TEX26: variants seen among roughly 807,000 people sequenced by gnomAD.
The protein encoded by TEX26 is testis expressed 26, also known as testis-expressed protein 26.
In TEX26, 34 loss-of-function variants were observed where a neutral mutation model predicts 35.3. The observed-to-expected ratio is 0.96, with a 90% CI of 0.73 to 1.28. The LOEUF (loss-of-function observed/expected upper bound fraction) is 1.28, where lower values mean the gene tolerates loss of function less well. Ranked by LOEUF, TEX26 falls within the 50% of genes most tolerant of loss-of-function variation. TEX26 has a pLI of 0.00. For synonymous variants in TEX26, 136 were observed against 111.8 expected (o/e 1.22, Z -1.36); for missense variants, 371 against 330.1 (o/e 1.12, Z -0.96).
Position 30,968,362 on chromosome 13 carries a change from A to T in TEX26, c.647-523A>T, listed in dbSNP as rs75246319. Among the ~76,000 whole-genome samples the T allele has an allele frequency of 1.2e-4, 18 of 152,280 alleles. No individual in the cohort carries two copies. In the East Asian group the frequency reaches 3.3e-3, roughly 28 times the overall value. On this transcript the variant is annotated intron_variant, in intron 5 of 6. Coordinates refer to ENST00000380473, the MANE Select transcript of TEX26 (RefSeq NM_152325.3). ...TTTTAGACCTATGAAGTCCGATCGT[A>T]GTTAATCTTTCTTAGATCCAGACAA...
intron 4 of TEX26, among the ~76,000 whole-genome samples, chr13:30,961,621 A>C (rs1259651952): frequency 1.3e-5 from 2 of 152,174 alleles, no homozygotes; most frequent in Non-Finnish European, 2.9e-5. Flanking sequence ...GCAGGGATAC[A>C]ATCCATTGAG....
intron 4 of TEX26, among the ~76,000 whole-genome samples, chr13:30,957,512 G>T (rs1879202863): frequency 6.6e-6 from 1 of 152,186 alleles, no homozygotes; most frequent in Non-Finnish European, 1.5e-5. Flanking sequence ...CAATTAAGAG[G>T]TTTTTATTAA....
chr13:30,965,255 A>G (rs994316387), intron 4 of TEX26, among the ~76,000 whole-genome samples: 1 of 152,188 alleles, frequency 6.6e-6, no homozygotes, highest in African/African-American at 2.4e-5. Flanking sequence ...CAATATAAAA[A>G]TGCTCTCAGG....
At chr13:30,941,883 A>C (rs1241607921) in intron 2 of TEX26, among the ~76,000 whole-genome samples, 1 of 152,166 alleles carries the variant, frequency 6.6e-6, no homozygotes, top group East Asian at 1.9e-4. Flanking sequence ...ATATATATAC[A>C]CACCACTTTT....
intron 2 of TEX26, among the ~76,000 whole-genome samples, chr13:30,944,232 A>G (rs539317468): frequency 6.6e-6 from 1 of 151,980 alleles, no homozygotes; most frequent in South Asian, 2.1e-4. Flanking sequence ...TAGATTTTCT[A>G]GTTTGAGTGC....
chr13:30,936,933 C>T, intron 1 of TEX26: 1 of 985,268 alleles, frequency 1.0e-6, no homozygotes, highest in Non-Finnish European at 1.2e-6. Context: ...AAAATTAATT[C>T]CAATGGCATA....
chr13:30,962,849 G>A (rs553457368), intron 4 of TEX26, among the ~76,000 whole-genome samples: 3 of 151,408 alleles, frequency 2.0e-5, no homozygotes, highest in Admixed American at 1.3e-4. Flanking sequence ...TTGAGACGGA[G>A]TCTCACTCTG....
chr13:30,963,120 G>A (rs1451106861), intron 4 of TEX26, among the ~76,000 whole-genome samples: 1 of 152,118 alleles, frequency 6.6e-6, no homozygotes, highest in Non-Finnish European at 1.5e-5. Flanking sequence ...GAGCCACCGT[G>A]CTCAGCTGGT....
At chr13:30,945,324 G>T (rs1953666035) in intron 2 of TEX26, among the ~76,000 whole-genome samples, 1 of 151,006 alleles carries the variant, frequency 6.6e-6, no homozygotes, top group African/African-American at 2.4e-5. Context: ...TTTTTCCTTG[G>T]GTTTATATGA....
At chr13:30,953,124 C>G (rs1036617451) in intron 3 of TEX26, among the ~76,000 whole-genome samples, 1 of 152,122 alleles carries the variant, frequency 6.6e-6, no homozygotes, top group African/African-American at 2.4e-5. Flanking sequence ...TGCTGTTGGA[C>G]AGCCATCACC....
chr13:30,944,914 T>G (rs1414004026), intron 2 of TEX26, among the ~76,000 whole-genome samples: 1 of 152,046 alleles, frequency 6.6e-6, no homozygotes, highest in African/African-American at 2.4e-5. Context: ...AAATGTATAT[T>G]CTGCAATTCT....
intron 6 of TEX26, among the ~76,000 whole-genome samples, chr13:30,974,132 ATATATAT>A (rs1215178490): frequency 3.6e-4 from 9 of 24,954 alleles, no homozygotes; most frequent in African/African-American, 7.2e-4. Flanking sequence ...AAAAAAAAAA[ATATATAT>A]ATATATATAT....
At chr13:30,954,581 C>G (rs1954057485) in intron 3 of TEX26, among the ~76,000 whole-genome samples, 1 of 151,838 alleles carries the variant, frequency 6.6e-6, no homozygotes, top group African/African-American at 2.4e-5. Context: ...ACCTCACCCT[C>G]CAGAGTAGCT....
chr13:30,932,690 G>A lies in TEX26; in HGVS notation c.-26G>A, dbSNP rs775073161. 5 of 1,608,922 alleles carry A rather than the reference G, an allele frequency of 3.1e-6. No individual in the cohort carries two copies. In the Admixed American group the frequency reaches 5.0e-5, roughly 16 times the overall value. On this transcript the variant is annotated 5_prime_UTR_variant, in exon 1 of 7. Coordinates refer to ENST00000380473, the MANE Select transcript of TEX26 (RefSeq NM_152325.3). ...AAGCGCTGAGATAGCTGGAGCCAGG[G>A]CCCCGCGGCCGCCTCCTGGGGCAGA...
At chr13:30,956,343 A>G (rs904121109) in intron 3 of TEX26, among the ~76,000 whole-genome samples, 1 of 151,554 alleles carries the variant, frequency 6.6e-6, no homozygotes, top group Non-Finnish European at 1.5e-5. Context: ...AAGGACATGA[A>G]CTCATCATTT....
chr13:30,946,297 C>CTGA (rs2138213795), intron 2 of TEX26, among the ~76,000 whole-genome samples: 1 of 151,942 alleles, frequency 6.6e-6, no homozygotes, highest in East Asian at 1.9e-4. Flanking sequence ...TCTAGAAGTT[C>CTGA]TGATTTTTTT....
rs529302461 is a variant in TEX26, at chr13:30,975,290, T to A, written c.*383T>A. The A allele has an allele frequency of 6.5e-6, 1 of 154,568 alleles. No individual in the cohort carries two copies. Among genetic ancestry groups the A allele is most frequent in the Non-Finnish European group, 1.4e-5 (1 of 69,626 alleles). 9.6% of individuals were successfully genotyped at this position (154,568 alleles called of 1,614,324 possible). A position where few individuals can be genotyped will look rare whatever the true frequency, so the allele number is the denominator to read the frequency against. Reference sequence around the variant, plus strand: ...TTGCCTTATCTCTTCTTTGAATGAATGAAAGTTTAAAAATCTGCTTTTGGG... The same window carrying A: ...TTGCCTTATCTCTTCTTTGAATGAAAGAAAGTTTAAAAATCTGCTTTTGGG... On this transcript the variant is annotated 3_prime_UTR_variant, in exon 7 of 7. Transcript: ENST00000380473.
chr13:30,934,026 T>G (rs1953173943), intron 1 of TEX26, among the ~76,000 whole-genome samples: 1 of 152,314 alleles, frequency 6.6e-6, no homozygotes, highest in Non-Finnish European at 1.5e-5. Context: ...TACCAGACAG[T>G]TCCATGTGGG....
intron 5 of TEX26, among the ~76,000 whole-genome samples, chr13:30,967,315 G>A (rs1954572513): frequency 6.6e-6 from 1 of 152,146 alleles, no homozygotes; most frequent in South Asian, 2.1e-4. Flanking sequence ...CTCATCCAGA[G>A]CCTCATATGT....
Sources: allele counts gnomAD v4.1 joint callset (sites outside exome capture counted in the v4.1 genomes callset), GRCh38; gene constraint gnomAD v4.1.1; transcripts MANE v1.5; gene names NCBI Gene and HGNC (gene_info 2026-07-23, HGNC 2026-07-21).